SNX9: variants seen among roughly 807,000 people sequenced by gnomAD.
The protein encoded by SNX9 is sorting nexin-9.
Under a neutral mutation model 89.4 loss-of-function variants are expected in SNX9, and 44 were observed. The observed-to-expected ratio is 0.49, with a 90% confidence interval of 0.39 to 0.63. SNX9 has a LOEUF of 0.63. Among genes scored for constraint, SNX9 ranks in the 30% least tolerant of loss-of-function variants. SNX9 has a pLI of 0.00. For synonymous variants in SNX9, 236 were observed against 247.8 expected (o/e 0.95, Z 0.45); for missense variants, 578 against 736.1 (o/e 0.79, Z 2.49).
At chr6:157,844,600 G>GTTTTTTTGTTTTTTTTTTTTTTT (rs1781767593) in intron 1 of SNX9, among the ~76,000 whole-genome samples, 1 of 131,804 alleles carries the variant, frequency 7.6e-6, no homozygotes, top group Non-Finnish European at 1.6e-5. Context: ...TTTTTTTTTT[G>GTTTTTTTGTTTTTTTTTTTTTTT]TTTTTTTTTT....
intron 13 of SNX9, among the ~76,000 whole-genome samples, chr6:157,933,884 G>A (rs1264905092): frequency 1.3e-5 from 2 of 152,088 alleles, no homozygotes; most frequent in Non-Finnish European, 2.9e-5. Context: ...GTTCCATATT[G>A]CAAATAGCAC....
At chr6:157,920,607 G>C (rs1032119534) in intron 9 of SNX9, among the ~76,000 whole-genome samples, 3 of 152,180 alleles carry the variant, frequency 2.0e-5, no homozygotes, top group African/African-American at 7.2e-5. Flanking sequence ...ACACTTCTCA[G>C]GTGGCCATTC....
At chr6:157,826,820 ATAT>A (rs1332703774) in intron 1 of SNX9, among the ~76,000 whole-genome samples, 1 of 106,052 alleles carries the variant, frequency 9.4e-6, no homozygotes, top group Non-Finnish European at 1.7e-5. Context: ...ATATAAATAT[ATAT>A]TATATTTTAT....
chr6:157,857,631 T>C (rs1369725989), intron 1 of SNX9, among the ~76,000 whole-genome samples: 2 of 151,056 alleles, frequency 1.3e-5, no homozygotes, highest in Non-Finnish European at 2.9e-5. Flanking sequence ...GTGGACTTCG[T>C]ACTTTTCTAG....
intron 4 of SNX9, among the ~76,000 whole-genome samples, chr6:157,887,630 G>A (rs998285797): frequency 1.3e-5 from 2 of 152,120 alleles, no homozygotes; most frequent in East Asian, 3.9e-4. Flanking sequence ...CTTCTTCACT[G>A]TCTGGTGTCC....
chr6:157,929,492 G>C (rs1783765256), intron 12 of SNX9, among the ~76,000 whole-genome samples: 1 of 152,008 alleles, frequency 6.6e-6, no homozygotes, highest in Non-Finnish European at 1.5e-5. Flanking sequence ...CTTTATATCT[G>C]GTCTGCCCTT....
intron 9 of SNX9, 117 bp downstream of exon 9, chr6:157,910,142 G>A (rs889414401): frequency 5.1e-6 from 4 of 785,398 alleles, no homozygotes; most frequent in South Asian, 1.6e-5. Context: ...TGCAGGAGTT[G>A]GAAACAGTAA....
chr6:157,934,516 A>G (rs1212746239), intron 13 of SNX9, among the ~76,000 whole-genome samples: 3 of 152,342 alleles, frequency 2.0e-5, no homozygotes, highest in South Asian at 2.1e-4. Context: ...ACACCTTAAA[A>G]TGGCATTTTA....
At chr6:157,908,619 G>A (rs922716521) in intron 7 of SNX9, among the ~76,000 whole-genome samples, 1 of 152,130 alleles carries the variant, frequency 6.6e-6, no homozygotes, top group Non-Finnish European at 1.5e-5. Context: ...CCAGCATCCA[G>A]GTTCCTCTGC....
chr6:157,896,101 G>A (rs561055187), intron 4 of SNX9, among the ~76,000 whole-genome samples: 2 of 152,308 alleles, frequency 1.3e-5, no homozygotes, highest in African/African-American at 2.4e-5. Flanking sequence ...GTTCTAGATT[G>A]TAGGAAGGAG....
At chr6:157,910,221 A>C (rs1783310466) in intron 9 of SNX9, among the ~76,000 whole-genome samples, 196 bp downstream of exon 9, 1 of 152,244 alleles carries the variant, frequency 6.6e-6, no homozygotes, top group South Asian at 2.1e-4. Flanking sequence ...TAAACGTCTC[A>C]CAAGAACGTT....
At chr6:157,941,036 T>A in intron 17 of SNX9, 62 bp downstream of exon 17, 10 of 1,380,632 alleles carry the variant, frequency 7.2e-6, no homozygotes, top group Non-Finnish European at 9.3e-6. Flanking sequence ...GTAAACCACT[T>A]TGACCATGTA....
chr6:157,862,979 G>A (rs1384933190), intron 1 of SNX9, among the ~76,000 whole-genome samples: 1 of 152,196 alleles, frequency 6.6e-6, no homozygotes, highest in East Asian at 1.9e-4. Flanking sequence ...GGGAGAATGA[G>A]TGTCAAGTTT....
intron 1 of SNX9, among the ~76,000 whole-genome samples, chr6:157,842,396 T>A (rs9364671): frequency 6.6e-6 from 1 of 152,142 alleles, no homozygotes; most frequent in African/African-American, 2.4e-5. Context: ...AAAATCCTCA[T>A]GATGCAACTG....
At chr6:157,830,992 T>G (rs1781468816) in intron 1 of SNX9, among the ~76,000 whole-genome samples, 1 of 152,218 alleles carries the variant, frequency 6.6e-6, no homozygotes, top group South Asian at 2.1e-4. Flanking sequence ...TCCATTTAAT[T>G]TTCAGTTTCG....
At chr6:157,915,846 G>A (rs1048788440) in intron 9 of SNX9, among the ~76,000 whole-genome samples, 7 of 123,760 alleles carry the variant, frequency 5.7e-5, no homozygotes, top group Non-Finnish European at 1.2e-4. Context: ...AGATTTATAT[G>A]TAAGAATTTC....
chr6:157,895,163 T>A (rs1189526237), intron 4 of SNX9, among the ~76,000 whole-genome samples: 1 of 152,224 alleles, frequency 6.6e-6, no homozygotes, highest in Admixed American at 6.5e-5. Flanking sequence ...GAGGTGGAAT[T>A]GGGCTCTTTA....
chr6:157,902,543 A>T (rs982293120), intron 6 of SNX9, among the ~76,000 whole-genome samples: 2 of 152,192 alleles, frequency 1.3e-5, no homozygotes, highest in African/African-American at 4.8e-5. Flanking sequence ...CGAGTGTTCC[A>T]GTCAGGAAGC....
At chr6:157,829,062 G>A (rs1583187264) in intron 1 of SNX9, 1 of 151,794 alleles carries the variant, frequency 6.6e-6, no homozygotes, top group Non-Finnish European at 1.5e-5. Context: ...GTAAGCTTTT[G>A]TTCTTTTAAT....
Sources: allele counts gnomAD v4.1 joint callset (sites outside exome capture counted in the v4.1 genomes callset), GRCh38; gene constraint gnomAD v4.1.1; transcripts MANE v1.5; gene names NCBI Gene and HGNC (gene_info 2026-07-23, HGNC 2026-07-21).